The following DENND4C variants were observed in gnomAD, a reference collection of about 807,000 sequenced individuals.
DENND4C encodes DENN domain containing 4C.
DENND4C carries 108 observed loss-of-function variants against 203.0 expected under a neutral mutation model. The ratio of observed to expected loss-of-function variants is 0.53; its 90% CI spans 0.46 to 0.62. The LOEUF is 0.62. Ranked by LOEUF, DENND4C falls within the 20% of genes least tolerant of loss-of-function variation. DENND4C has a pLI of 0.00. For missense variants in DENND4C, 2,481 were observed against 2,301.2 expected (o/e 1.08, Z -1.60); for synonymous variants, 871 against 792.4 (o/e 1.10, Z -1.67).
At chr9:19,279,486 C>T (rs1190855300) in intron 2 of DENND4C, among the ~76,000 whole-genome samples, 2 of 152,010 alleles carry the variant, frequency 1.3e-5, no homozygotes, top group South Asian at 4.2e-4. Flanking sequence ...ACCAGCCTGT[C>T]CAACATGGTG....
chr9:19,298,325 C>A (rs765652984), intron 7 of DENND4C, among the ~76,000 whole-genome samples: 2 of 152,058 alleles, frequency 1.3e-5, no homozygotes, highest in African/African-American at 2.4e-5. Flanking sequence ...ATAATTATAA[C>A]CCTTGGTTCA....
intron 1 of DENND4C, among the ~76,000 whole-genome samples, chr9:19,248,390 T>A (rs1324214299): frequency 6.6e-6 from 1 of 151,588 alleles, no homozygotes; most frequent in Non-Finnish European, 1.5e-5. Flanking sequence ...AGATCTTACT[T>A]CTTTTTTTTT....
intron 15 of DENND4C, among the ~76,000 whole-genome samples, chr9:19,327,638 G>C (rs1388318937): frequency 6.6e-6 from 1 of 151,766 alleles, no homozygotes; most frequent in East Asian, 1.9e-4. Context: ...AAATTTTATG[G>C]ATTTTTTTTA....
chr9:19,300,545 A>T (rs1216816426), intron 9 of DENND4C, among the ~76,000 whole-genome samples: 2 of 152,192 alleles, frequency 1.3e-5, no homozygotes, highest in Non-Finnish European at 2.9e-5. Flanking sequence ...TTTTAGGAAA[A>T]ACGTCAATTT....
intron 31 of DENND4C, chr9:19,371,429 T>C (rs573358693): frequency 4.1e-5 from 7 of 171,308 alleles, no homozygotes; most frequent in Admixed American, 6.4e-5. Context: ...AAAACAGTTA[T>C]GTATTGTTGA....
At chr9:19,299,372 A>G in intron 8 of DENND4C, 85 bp downstream of exon 8, 1 of 832,892 alleles carries the variant, frequency 1.2e-6, no homozygotes, top group Non-Finnish European at 1.8e-6. Context: ...TATTATTAAT[A>G]TATTAGTGAT....
chr9:19,362,416 T>C (rs1826699100), intron 30 of DENND4C, among the ~76,000 whole-genome samples: 1 of 152,106 alleles, frequency 6.6e-6, no homozygotes. Flanking sequence ...CAATAAAGAA[T>C]GGACTGCTGG....
rs760057466 is a variant in DENND4C, at chr9:19,336,442, C to T, written c.2734+28C>T. 5.6e-6 allele frequency: 9 copies of T among 1,595,060 alleles called. No individual in the cohort carries two copies. In the African/African-American group the frequency reaches 1.2e-4, roughly 22 times the overall value. Reference sequence around the variant, plus strand: ...AATACATGTGATTAGAAATATAATTCCTTACTGAACCATGAGCTTTATAGG... The same window carrying T: ...AATACATGTGATTAGAAATATAATTTCTTACTGAACCATGAGCTTTATAGG... On this transcript the variant is annotated intron_variant, in intron 19 of 32. Transcript: ENST00000434457.
chr9:19,293,768 T>A (rs1284412740), intron 5 of DENND4C, among the ~76,000 whole-genome samples: 1 of 152,232 alleles, frequency 6.6e-6, no homozygotes, highest in Non-Finnish European at 1.5e-5. Context: ...GAGAGCATCA[T>A]GCCACTTACA....
chr9:19,366,461 A>G (rs1348920483), intron 30 of DENND4C, among the ~76,000 whole-genome samples: 1 of 152,094 alleles, frequency 6.6e-6, no homozygotes, highest in Non-Finnish European at 1.5e-5. Flanking sequence ...AAAATTAGCC[A>G]GGCGTGGTGG....
intron 30 of DENND4C, among the ~76,000 whole-genome samples, chr9:19,366,323 C>T (rs780387397): frequency 3.3e-5 from 5 of 152,252 alleles, no homozygotes; most frequent in Middle Eastern, 6.8e-3. Flanking sequence ...TCTTTTCGGC[C>T]GGGTGCAGTG....
At chr9:19,341,580 G>A (rs1378679307) in intron 21 of DENND4C, among the ~76,000 whole-genome samples, 2 of 151,890 alleles carry the variant, frequency 1.3e-5, no homozygotes, top group Non-Finnish European at 1.5e-5. Context: ...AAAGTGCTGG[G>A]ATTACAGGTG....
Position 19,352,591 on chromosome 9 carries a change from A to T in DENND4C, c.4707A>T (p.Thr1569=). The T allele has an allele frequency of 6.2e-7, 1 of 1,613,898 alleles. No homozygotes were observed. The highest frequency in any genetic ancestry group is 8.5e-7 in the Non-Finnish European group (1 of 1,179,864). ...GWTADDSNLN[T]ACPFCKSNFL... is the part of the protein sequence containing the mutation. ...CAGCAGATGACTCAAATTTGAATAC[A>T]GCTTGTCCATTCTGTAAAAGCAACT... is the stretch of plus-strand genomic sequence containing the variant. The change falls in exon 26 of 33, where the codon ACA becomes ACT. Residue 1569 remains threonine, a synonymous_variant. Coordinates refer to ENST00000434457, the MANE Select transcript of DENND4C (RefSeq NM_001330640.2).
intron 28 of DENND4C, among the ~76,000 whole-genome samples, chr9:19,359,154 G>A (rs978222023): frequency 2.0e-5 from 3 of 151,748 alleles, no homozygotes; most frequent in Admixed American, 1.3e-4. Flanking sequence ...TCAAAATAGC[G>A]AGTTGAGTCC....
chr9:19,286,312 C>G (rs1454426988), intron 2 of DENND4C, among the ~76,000 whole-genome samples: 1 of 152,144 alleles, frequency 6.6e-6, no homozygotes, highest in Middle Eastern at 3.4e-3. Context: ...CTTATTTATT[C>G]AGCTCTTTAA....
In DENND4C at chr9:19,300,250, C is replaced by G. The variant is rs1235679781; in HGVS notation, c.1230C>G (p.Leu410=). 1.5e-5 allele frequency: 24 copies of G among 1,612,706 alleles called. No individual in the cohort carries two copies. The highest frequency in any genetic ancestry group is 1.9e-5 in the Non-Finnish European group (22 of 1,179,100). Reference sequence around the variant, plus strand: ...CTGAGAATTGTGCAACACTGCTGCTCTTTGTTTTACTTGAGAGTAAAATTC... The same window carrying G: ...CTGAGAATTGTGCAACACTGCTGCTGTTTGTTTTACTTGAGAGTAAAATTC... ...LGPENCATLL[L]FVLLESKILL... The change falls in exon 9 of 33, where the codon CTC becomes CTG. Residue 410 remains leucine (L), a synonymous_variant. Transcript: ENST00000434457.
At chr9:19,281,775 T>C (rs1198457219) in intron 2 of DENND4C, among the ~76,000 whole-genome samples, 2 of 152,212 alleles carry the variant, frequency 1.3e-5, no homozygotes, top group African/African-American at 4.8e-5. Flanking sequence ...GTGGCATAGC[T>C]TACTACATAT....
At chr9:19,333,244 T>A (rs1819685606) in intron 17 of DENND4C, among the ~76,000 whole-genome samples, 1 of 151,976 alleles carries the variant, frequency 6.6e-6, no homozygotes, top group Non-Finnish European at 1.5e-5. Context: ...CTCAAACTCA[T>A]GGTGTCAAGC....
rs201852236 is a variant in DENND4C, at chr9:19,360,377, A to G, written c.5294A>G (p.Asn1765Ser). The G allele has an allele frequency of 1.7e-5, 27 of 1,614,148 alleles. No individual in the cohort carries two copies. Among genetic ancestry groups the G allele is most frequent in the Admixed American group, 1.7e-5 (1 of 60,028 alleles). The change falls in exon 29 of 33, where the codon AAT becomes AGT. Residue 1765 changes from asparagine (N) to serine (S), a missense_variant. By Grantham distance (46) the Asn-to-Ser change is conservative (BLOSUM62 1). Coordinates refer to ENST00000434457, the MANE Select transcript of DENND4C (RefSeq NM_001330640.2). Reference protein sequence around the residue: ...DQVIHTSSFINQHPIIFWNLV... With the variant: ...DQVIHTSSFISQHPIIFWNLV... The stretch of plus-strand genomic sequence containing the variant: ...GTGATTCATACATCTTCTTTCATCA[A>G]TCAACATCCAATCATTTTCTGGAAC...
Sources: allele counts gnomAD v4.1 joint callset (sites outside exome capture counted in the v4.1 genomes callset), GRCh38; gene constraint gnomAD v4.1.1; transcripts MANE v1.5; gene names NCBI Gene and HGNC (gene_info 2026-07-23, HGNC 2026-07-21).